TTI1: variants seen among roughly 807,000 people sequenced by gnomAD.
The protein encoded by TTI1 is TELO2-interacting protein 1 homolog.
A neutral mutation model predicts 85.4 loss-of-function variants in TTI1; 52 were observed. The ratio of observed to expected loss-of-function variants is 0.61; its 90% CI spans 0.49 to 0.77. TTI1 has a LOEUF of 0.77. Ranked by LOEUF, TTI1 falls within the 30% of genes least tolerant of loss-of-function variation. The pLI, the probability that TTI1 is intolerant of heterozygous loss-of-function variation, is 0.00. For missense variants in TTI1, 1,173 were observed against 1,296.0 expected (o/e 0.91, Z 1.46); for synonymous variants, 512 against 503.9 (o/e 1.02, Z -0.22).
intron 7 of TTI1, among the ~76,000 whole-genome samples, chr20:37,984,551 C>T (rs568443987): frequency 6.6e-6 from 1 of 152,308 alleles, no homozygotes; most frequent in Admixed American, 6.5e-5. Context: ...CAATTCAGTC[C>T]GACTTGGCAA....
At chr20:38,027,662 A>T (rs887945739) in intron 1 of TTI1, among the ~76,000 whole-genome samples, 1 of 152,220 alleles carries the variant, frequency 6.6e-6, no homozygotes, top group African/African-American at 2.4e-5. Context: ...CCAGTGGCTC[A>T]CGCCTGCATC....
chr20:38,017,463 G>A lies in TTI1; in HGVS notation c.-41-3606C>T, dbSNP rs563750862. ...GCGCGCGCCTTTGGTGTGTGCGCAC[G>A]AGCCTTTGGTGCATGTGTTGATCCT... On this transcript the variant is annotated intron_variant, in intron 1 of 7. Coordinates refer to ENST00000373447, the MANE Select transcript of TTI1 (RefSeq NM_001303457.2). Among the ~76,000 whole-genome samples, 120 of 151,822 alleles carry A rather than the reference G, an allele frequency of 7.9e-4. 1 individual carries two copies. The highest frequency in any genetic ancestry group is 2.7e-3 in the African/African-American group (110 of 41,318).
chr20:38,007,073 T>A (rs955033325), intron 2 of TTI1, among the ~76,000 whole-genome samples: 1 of 152,272 alleles, frequency 6.6e-6, no homozygotes, highest in African/African-American at 2.4e-5. Context: ...TTTCATCCTA[T>A]CGATATGCTG....
In TTI1 at chr20:38,012,154, C is replaced by T. The variant is rs764958562; in HGVS notation, c.1663G>A (p.Glu555Lys). ...HIKTNPEELR[E>K]IVTSILEEYT... The stretch of plus-strand genomic sequence containing the variant: ...TCTTCAAGTATAGATGTCACAATCT[C>T]TCTCAGTTCTTCTGGGTTTGTTTTA... Residue 555 changes from glutamate (E) to lysine (K), a missense_variant, in exon 2 of 8, where the codon GAG (glutamate) becomes AAG (lysine). By Grantham distance (56) the Glu-to-Lys change is moderately conservative. Coordinates refer to ENST00000373447, the MANE Select transcript of TTI1 (RefSeq NM_001303457.2). 2.5e-6 allele frequency: 4 copies of T among 1,614,218 alleles called. No homozygotes were observed. The East Asian group carries it at 8.9e-5, about 36-fold the overall frequency.
At chr20:38,009,963 C>T (rs977406272) in intron 2 of TTI1, among the ~76,000 whole-genome samples, 1 of 152,128 alleles carries the variant, frequency 6.6e-6, no homozygotes, top group Non-Finnish European at 1.5e-5. Flanking sequence ...ATTTCCTTCA[C>T]GGTGTTTATC....
Position 38,003,154 on chromosome 20 carries a change from G to T in TTI1, c.2504-378C>A, listed in dbSNP as rs563774530. ...TTTTAAATTTTTTTGTAGAAATGGG[G>T]GTCTCACTATGTTGCCCAGGCTGGT... On this transcript the variant is annotated intron_variant, in intron 3 of 7. Transcript: ENST00000373447. Among the ~76,000 whole-genome samples the T allele has an allele frequency of 6.6e-5, 10 of 152,196 alleles. No homozygotes were observed. In the East Asian group the frequency reaches 1.9e-3, roughly 29 times the overall value.
chr20:38,001,646 C>T (rs2073426965), intron 4 of TTI1, among the ~76,000 whole-genome samples: 1 of 152,136 alleles, frequency 6.6e-6, no homozygotes, highest in Non-Finnish European at 1.5e-5. Flanking sequence ...ATCAGGGTTT[C>T]CTAGCCCATC....
At position 38,013,448 on chromosome 20, in the gene TTI1, C is replaced by A; in HGVS notation, c.369G>T (p.Val123=). ...GCATTAATGTGCTAAGTCCCTGGAT[C>A]ACAGCCAATTTCAACTCCTCGGACA... ...AAVSEELKLA[V]IQGLSTLMHS... Residue 123 remains valine, a synonymous_variant, in exon 2 of 8, where the codon GTG becomes GTT. Coordinates refer to ENST00000373447, the MANE Select transcript of TTI1 (RefSeq NM_001303457.2). 1 of 1,613,996 alleles carries A rather than the reference C, an allele frequency of 6.2e-7. No individual in the cohort carries two copies. Among genetic ancestry groups the A allele is most frequent in the Non-Finnish European group, 8.5e-7 (1 of 1,180,018 alleles).
At chr20:38,021,973 A>G (rs1355512393) in intron 1 of TTI1, among the ~76,000 whole-genome samples, 1 of 152,250 alleles carries the variant, frequency 6.6e-6, no homozygotes, top group African/African-American at 2.4e-5. Context: ...ATTTGGAAAC[A>G]GAATGAATAC....
intron 4 of TTI1, among the ~76,000 whole-genome samples, chr20:37,999,905 A>T (rs1196836990): frequency 6.6e-6 from 1 of 150,776 alleles, no homozygotes; most frequent in Admixed American, 6.6e-5. Flanking sequence ...GGGAGCCGTC[A>T]AAGTGTTTTA....
rs568599894 is a variant in TTI1, at chr20:38,003,336, A to G, written c.2504-560T>C. ...TTAAAAAGACAAAAAGCACAACACAAAATTGCATATGCAGCATGAACACTA... is the reference window on the plus strand; with the variant it reads ...TTAAAAAGACAAAAAGCACAACACAGAATTGCATATGCAGCATGAACACTA... On this transcript the variant is annotated intron_variant, in intron 3 of 7. Coordinates refer to ENST00000373447, the MANE Select transcript of TTI1 (RefSeq NM_001303457.2). Among the ~76,000 whole-genome samples the G allele has an allele frequency of 1.0e-3, 158 of 152,320 alleles. 2 individuals carry two copies. Among genetic ancestry groups the G allele is most frequent in the African/African-American group, 3.7e-3 (155 of 41,566 alleles).
chr20:37,990,717 C>CGG (rs2073251682), intron 7 of TTI1, among the ~76,000 whole-genome samples: 1 of 152,150 alleles, frequency 6.6e-6, no homozygotes, highest in Non-Finnish European at 1.5e-5. Flanking sequence ...ACCCTGTGGT[C>CGG]GACCACAGCC....
At chr20:37,999,166 A>G in intron 5 of TTI1, 22 bp downstream of exon 5, 1 of 1,388,872 alleles carries the variant, frequency 7.2e-7, no homozygotes, top group Non-Finnish European at 9.4e-7. Context: ...ACAACAGACC[A>G]TGGGGGATGC....
Position 37,999,178 on chromosome 20 carries a change from G to A in TTI1, c.2793+10C>T. On this transcript the variant is annotated intron_variant, in intron 5 of 7. Coordinates refer to ENST00000373447, the MANE Select transcript of TTI1 (RefSeq NM_001303457.2). ...CTCACAACAGACCATGGGGGATGCT[G>A]GTGCAGTACCTTGAAGGCTCTAAGC... is the stretch of plus-strand genomic sequence containing the variant. 1 of 1,401,488 alleles carries A rather than the reference G, an allele frequency of 7.1e-7. No individual in the cohort carries two copies. Among genetic ancestry groups the A allele is most frequent in the Non-Finnish European group, 9.4e-7 (1 of 1,068,330 alleles). 86.8% of individuals were successfully genotyped at this position (1,401,488 alleles called of 1,614,324 possible). A position where few individuals can be genotyped will look rare whatever the true frequency, so the allele number is the denominator to read the frequency against.
At chr20:37,984,993 A>C (rs1390164023) in intron 7 of TTI1, among the ~76,000 whole-genome samples, 3 of 152,234 alleles carry the variant, frequency 2.0e-5, no homozygotes, top group Non-Finnish European at 4.4e-5. Flanking sequence ...AACCCTCTCT[A>C]GAATATTTAA....
At chr20:37,992,068 C>A (rs903620308) in intron 7 of TTI1, among the ~76,000 whole-genome samples, 2 of 152,168 alleles carry the variant, frequency 1.3e-5, no homozygotes, top group Non-Finnish European at 2.9e-5. Context: ...GGAATGGCAA[C>A]CTCCCCAGCG....
Position 38,013,183 on chromosome 20 carries a change from CA to C in TTI1, c.633del (p.Gly212GlufsTer6). ...QLGDLFASFLPGISTALTRLI... is the reference protein window; with the variant it reads ...QLGDLFASFLXGISTALTRLI... Reference sequence around the variant, plus strand: ...AGCCTGGTCAGTGCAGTTGAGATTCCAGGTAAAAAAGAGGCAAACAAATCCC... The same window carrying C: ...AGCCTGGTCAGTGCAGTTGAGATTCCGGTAAAAAAGAGGCAAACAAATCCC... On this transcript the variant is annotated frameshift_variant, in exon 2 of 8. Coordinates refer to ENST00000373447, the MANE Select transcript of TTI1 (RefSeq NM_001303457.2). LOFTEE classifies it high-confidence loss of function. 1 of 1,614,098 alleles carries C rather than the reference CA, an allele frequency of 6.2e-7. No individual in the cohort carries two copies. Among genetic ancestry groups the C allele is most frequent in the Non-Finnish European group, 8.5e-7 (1 of 1,180,036 alleles).
chr20:38,012,416 A>T lies in TTI1; in HGVS notation c.1401T>A (p.Pro467=). 6.2e-7 allele frequency: 1 copy of T among 1,614,234 alleles called. No individual in the cohort carries two copies. Among genetic ancestry groups the T allele is most frequent in the Non-Finnish European group, 8.5e-7 (1 of 1,180,042 alleles). The part of the protein sequence containing the change: ...NASPKTSATQ[P]WNRIQRRYFR... Reference sequence around the variant, plus strand: ...AATATCTCCTCTGGATGCGGTTCCAAGGCTGTGTGGCTGAGGTCTTTGGAG... The same window carrying T: ...AATATCTCCTCTGGATGCGGTTCCATGGCTGTGTGGCTGAGGTCTTTGGAG... Residue 467 remains proline, a synonymous_variant, in exon 2 of 8, where the codon CCT becomes CCA. Transcript: ENST00000373447.
intron 4 of TTI1, among the ~76,000 whole-genome samples, chr20:38,001,125 G>C (rs191965948): frequency 2.2e-4 from 34 of 152,296 alleles, no homozygotes; most frequent in Admixed American, 5.2e-4. Flanking sequence ...TGAAGACAGG[G>C]ATTGTGTCTG....
Sources: allele counts gnomAD v4.1 joint callset (sites outside exome capture counted in the v4.1 genomes callset), GRCh38; gene constraint gnomAD v4.1.1; transcripts MANE v1.5; gene names NCBI Gene and HGNC (gene_info 2026-07-23, HGNC 2026-07-21).